The following TXNDC16 variants were observed in gnomAD, a reference collection of about 807,000 sequenced individuals.
TXNDC16 encodes the protein thioredoxin domain-containing protein 16.
A neutral mutation model predicts 85.6 loss-of-function variants in TXNDC16; 74 were observed. The ratio of observed to expected loss-of-function variants is 0.86; its 90% CI spans 0.72 to 1.05. TXNDC16 has a LOEUF of 1.05. Among genes scored for constraint, TXNDC16 ranks in the 50% least tolerant of loss-of-function variants. The pLI, the probability that TXNDC16 is intolerant of heterozygous loss-of-function variation, is 0.00. For missense variants in TXNDC16, 959 were observed against 947.0 expected (o/e 1.01, Z -0.17); for synonymous variants, 335 against 326.5 (o/e 1.03, Z -0.28).
At chr14:52,488,237 C>T (rs1252349962) in intron 12 of TXNDC16, 126 bp downstream of exon 12, 32 of 1,165,128 alleles carry the variant, frequency 2.7e-5, no homozygotes, top group East Asian at 5.2e-5. Flanking sequence ...AAATAAATTC[C>T]GCCAGGTTTC....
intron 1 of TXNDC16, among the ~76,000 whole-genome samples, chr14:52,549,629 A>ATTTTTG (rs2038005494): frequency 7.5e-6 from 1 of 132,992 alleles, no homozygotes; most frequent in African/African-American, 2.8e-5. Context: ...AACAGTTCTG[A>ATTTTTG]TTTTTTTTTT....
At chr14:52,541,342 G>A (rs1566589764) in intron 4 of TXNDC16, among the ~76,000 whole-genome samples, 2 of 152,000 alleles carry the variant, frequency 1.3e-5, no homozygotes, top group African/African-American at 2.4e-5. Flanking sequence ...AGTTATTAGC[G>A]ACAGTCTACC....
At chr14:52,471,150 A>G (rs2035897592) in intron 14 of TXNDC16, among the ~76,000 whole-genome samples, 1 of 152,216 alleles carries the variant, frequency 6.6e-6, no homozygotes, top group Admixed American at 6.5e-5. Context: ...TTGTTGGTGA[A>G]CGTTGCTGCT....
chr14:52,537,824 AC>A (rs1211867464), intron 4 of TXNDC16, 152 bp from the exon 5 acceptor site: 2 of 576,968 alleles, frequency 3.5e-6, no homozygotes, highest in Admixed American at 3.0e-5. Flanking sequence ...ATAATTGTTC[AC>A]ATATTCAAGT....
chr14:52,456,553 C>T (rs2035538449), intron 17 of TXNDC16, among the ~76,000 whole-genome samples: 1 of 152,084 alleles, frequency 6.6e-6, no homozygotes. Context: ...ACACCTATAC[C>T]TGAAAATGGG....
At chr14:52,441,351 G>A (rs1836021236) in intron 18 of TXNDC16, among the ~76,000 whole-genome samples, 1 of 152,148 alleles carries the variant, frequency 6.6e-6, no homozygotes, top group African/African-American at 2.4e-5. Context: ...GCTCACGCCT[G>A]TAATCCCAGC....
chr14:52,455,308 T>A lies in TXNDC16; in HGVS notation c.1842+16A>T. On this transcript the variant is annotated intron_variant, in intron 18 of 20. Coordinates refer to ENST00000281741, the MANE Select transcript of TXNDC16 (RefSeq NM_020784.3). The stretch of plus-strand genomic sequence containing the variant: ...ATTTTATTTCAAGTATCACCCTTAT[T>A]ATAAAACATACTCACAAACATTTCC... 6.2e-7 allele frequency: 1 copy of A among 1,613,052 alleles called. No individual in the cohort carries two copies. Among genetic ancestry groups the A allele is most frequent in the Non-Finnish European group, 8.5e-7 (1 of 1,179,464 alleles).
intron 9 of TXNDC16, among the ~76,000 whole-genome samples, chr14:52,498,810 T>C (rs1459833097): frequency 2.6e-5 from 4 of 151,854 alleles, no homozygotes; most frequent in Admixed American, 2.6e-4. Context: ...TTTGCAGAAA[T>C]AGAAAAAAAA....
intron 14 of TXNDC16, among the ~76,000 whole-genome samples, chr14:52,481,092 T>A (rs1172291865): frequency 6.6e-6 from 1 of 150,996 alleles, no homozygotes; most frequent in Non-Finnish European, 1.5e-5. Context: ...AACTCAGGAA[T>A]GAAAAACCAA....
intron 18 of TXNDC16, among the ~76,000 whole-genome samples, chr14:52,451,097 A>C (rs1188398918): frequency 6.6e-6 from 1 of 151,858 alleles, no homozygotes; most frequent in Non-Finnish European, 1.5e-5. Context: ...AGAATGAAAT[A>C]ATGGGCATTG....
rs182023983 is a variant in TXNDC16, at chr14:52,442,295, T to C, written c.1843-1571A>G. On this transcript the variant is annotated intron_variant, in intron 18 of 20. Transcript: ENST00000281741. The stretch of plus-strand genomic sequence containing the variant: ...GCTAGATATATCATCCTGTATCAGA[T>C]AGATAACCCCCAGCTGACATATGGG... Among the ~76,000 whole-genome samples the C allele has an allele frequency of 5.3e-5, 8 of 152,310 alleles. No individual in the cohort carries two copies. The East Asian group carries it at 7.7e-4, about 15-fold the overall frequency.
chr14:52,498,071 A>T (rs1349563982), intron 9 of TXNDC16, among the ~76,000 whole-genome samples: 1 of 152,180 alleles, frequency 6.6e-6, no homozygotes, highest in African/African-American at 2.4e-5. Flanking sequence ...CGATTGATGC[A>T]GGAAAAGCAT....
chr14:52,453,034 C>G (rs2035448278), intron 18 of TXNDC16, among the ~76,000 whole-genome samples: 1 of 152,116 alleles, frequency 6.6e-6, no homozygotes, highest in Non-Finnish European at 1.5e-5. Context: ...TCTGAATAGA[C>G]ATTTCTCAAA....
intron 6 of TXNDC16, among the ~76,000 whole-genome samples, chr14:52,531,633 G>A (rs956867708): frequency 1.2e-4 from 18 of 152,132 alleles, no homozygotes; most frequent in African/African-American, 3.9e-4. Context: ...ATAGTAAAAA[G>A]ATCAGTGGTT....
chr14:52,537,595 T>C lies in TXNDC16; in HGVS notation c.317+4A>G. On this transcript the variant is annotated splice_donor_region_variant and intron_variant, in intron 5 of 20. Transcript: ENST00000281741. ...TGTCCAGCACACTCAGGAAAATAGC[T>C]TACTTGAATAAATATGCTTTCATCA... 6.4e-7 allele frequency: 1 copy of C among 1,569,196 alleles called. No individual in the cohort carries two copies. The highest frequency in any genetic ancestry group is 1.3e-5 in the African/African-American group (1 of 74,234).
intron 18 of TXNDC16, among the ~76,000 whole-genome samples, chr14:52,453,510 G>A (rs1480371602): frequency 6.6e-6 from 1 of 152,124 alleles, no homozygotes; most frequent in Non-Finnish European, 1.5e-5. Context: ...AAAAGAATGA[G>A]ATTCTGTCAT....
In TXNDC16 at chr14:52,538,421, T is replaced by C. The variant is rs145259320; in HGVS notation, c.244-749A>G. Among the ~76,000 whole-genome samples, 445 of 152,142 alleles carry C rather than the reference T, an allele frequency of 2.9e-3. 4 individuals are homozygous for C. The highest frequency in any genetic ancestry group is 0.01 in the African/African-American group (429 of 41,488). The stretch of plus-strand genomic sequence containing the variant: ...AACTCTAAGTGAAAAAAATATATAA[T>C]AACAATCTTGGCAACAACATGAAGA... On this transcript the variant is annotated intron_variant, in intron 4 of 20. Coordinates refer to ENST00000281741, the MANE Select transcript of TXNDC16 (RefSeq NM_020784.3).
rs568497019 is a variant in TXNDC16, at chr14:52,434,088, T to C, written c.2195-1501A>G. 3.9e-5 allele frequency among the ~76,000 whole-genome samples: 6 copies of C among 152,016 alleles called. No homozygotes were observed. The South Asian group carries it at 1.3e-3, about 32-fold the overall frequency. ...CCTGTAGTTCCAGCTACTCGGGAGG[T>C]TGAGGCGGAAGGTACACTTGAGCCC... On this transcript the variant is annotated intron_variant, in intron 20 of 20. Coordinates refer to ENST00000281741, the MANE Select transcript of TXNDC16 (RefSeq NM_020784.3).
intron 9 of TXNDC16, among the ~76,000 whole-genome samples, chr14:52,506,531 T>TC (rs1201972483): frequency 8.5e-6 from 1 of 117,740 alleles, no homozygotes; most frequent in East Asian, 2.8e-4. Flanking sequence ...ACAACCCTTT[T>TC]TTTTTTTTTT....
Sources: gnomAD v4.1 joint callset for allele counts (sites outside exome capture counted in the v4.1 genomes callset) on GRCh38, gnomAD v4.1.1 for gene constraint, MANE v1.5 for transcripts, NCBI Gene and HGNC (gene_info 2026-07-23, HGNC 2026-07-21) for gene names.